Variants in CNNM1 observed in about 807,000 individuals in gnomAD.
The protein encoded by CNNM1 is metal transporter CNNM1.
A neutral mutation model predicts 78.8 loss-of-function variants in CNNM1; 44 were observed. The ratio of observed to expected loss-of-function variants is 0.56; its 90% CI spans 0.44 to 0.72. CNNM1 has a LOEUF of 0.72. Ranked by LOEUF, CNNM1 falls within the 30% of genes least tolerant of loss-of-function variation. The pLI is 0.00. For missense variants in CNNM1, 1,101 were observed against 1,292.2 expected, an observed-to-expected ratio of 0.85 and a Z score of 2.27; for synonymous variants, 584 against 581.5, an observed-to-expected ratio of 1.00 and a Z score of -0.06.
chr10:99,387,582 C>A (rs2032341680), intron 7 of CNNM1, among the ~76,000 whole-genome samples: 2 of 152,264 alleles, frequency 1.3e-5, no homozygotes, highest in Non-Finnish European at 2.9e-5. Flanking sequence ...GAAGGCTTGG[C>A]TCTTCCAGGT....
At chr10:99,348,013 A>G (rs2030778189) in intron 1 of CNNM1, among the ~76,000 whole-genome samples, 2 of 144,590 alleles carry the variant, frequency 1.4e-5, no homozygotes, top group Non-Finnish European at 3.0e-5. Flanking sequence ...ATTTTTTTAT[A>G]TATATGATGT....
At chr10:99,332,104 C>T (rs1010916245) in intron 1 of CNNM1, among the ~76,000 whole-genome samples, 14 of 152,158 alleles carry the variant, frequency 9.2e-5, no homozygotes, top group African/African-American at 3.1e-4. Flanking sequence ...AGATTTGGCC[C>T]AGAACCCTTG....
At chr10:99,368,527 C>A in intron 6 of CNNM1, 1 of 723,188 alleles carries the variant, frequency 1.4e-6, no homozygotes, top group Non-Finnish European at 2.1e-6. Context: ...CAGGAACAGA[C>A]TGTCTCACCC....
In CNNM1 at chr10:99,329,418, G is replaced by T; in HGVS notation, c.31G>T (p.Val11Leu). 1 of 981,608 alleles carries T rather than the reference G, an allele frequency of 1.0e-6. No individual in the cohort carries two copies. Among genetic ancestry groups the T allele is most frequent in the Non-Finnish European group, 1.4e-6 (1 of 691,468 alleles). The allele number at this position is 981,608 out of a possible 1,614,324, so 60.8% of individuals were successfully genotyped here. The change falls in exon 1 of 11, where the codon GTG becomes TTG. Residue 11 changes from valine (V) to leucine (L), a missense_variant. By Grantham distance (32) the Val-to-Leu change is conservative. Coordinates refer to ENST00000356713, the MANE Select transcript of CNNM1 (RefSeq NM_020348.3). MAAAAAAAAA[V>L]GVRLRDCCSR... ...GGCGGCCGCGGCGGCGGCAGCAGCGGTGGGTGTCAGGCTCCGGGACTGCTG... is the reference window on the plus strand; with the variant it reads ...GGCGGCCGCGGCGGCGGCAGCAGCGTTGGGTGTCAGGCTCCGGGACTGCTG...
chr10:99,343,776 A>G (rs1035074312), intron 1 of CNNM1, among the ~76,000 whole-genome samples: 20 of 151,774 alleles, frequency 1.3e-4, no homozygotes, highest in Admixed American at 1.2e-3. Flanking sequence ...GTGCCTTGGC[A>G]TGGTCTCGGC....
At chr10:99,335,898 T>G (rs1259911842) in intron 1 of CNNM1, among the ~76,000 whole-genome samples, 1 of 152,238 alleles carries the variant, frequency 6.6e-6, no homozygotes, top group Non-Finnish European at 1.5e-5. Context: ...AGCAAGAGGC[T>G]CTGGTCCTCT....
chr10:99,370,841 TA>T (rs2031777445), intron 6 of CNNM1, among the ~76,000 whole-genome samples: 2 of 152,298 alleles, frequency 1.3e-5, no homozygotes, highest in Non-Finnish European at 2.9e-5. Context: ...GGGAGGAAAA[TA>T]AATCCTAGAG....
chr10:99,365,237 G>A (rs2031575563), intron 6 of CNNM1: 1 of 613,864 alleles, frequency 1.6e-6, no homozygotes, highest in Non-Finnish European at 3.0e-6. Context: ...CATGGTTGGG[G>A]GGATGCAGGG....
At chr10:99,351,807 C>G (rs1036160864) in intron 1 of CNNM1, among the ~76,000 whole-genome samples, 4 of 152,152 alleles carry the variant, frequency 2.6e-5, no homozygotes, top group African/African-American at 9.7e-5. Context: ...TTACCCAAGT[C>G]CAAACCAGCA....
intron 8 of CNNM1, 26 bp downstream of exon 8, chr10:99,388,029 G>T: frequency 6.3e-7 from 1 of 1,577,686 alleles, no homozygotes; most frequent in Non-Finnish European, 8.6e-7. Flanking sequence ...AGACGGGCAG[G>T]CTGGGCTGGT....
chr10:99,337,734 G>T (rs749465227), intron 1 of CNNM1, among the ~76,000 whole-genome samples: 1 of 152,158 alleles, frequency 6.6e-6, no homozygotes. Flanking sequence ...TGTCTTTGTA[G>T]CTCCAGCAGC....
In CNNM1 at chr10:99,376,942, T is replaced by C. The variant is rs907574055; in HGVS notation, c.2177-113T>C. On this transcript the variant is annotated intron_variant, in intron 6 of 10. Coordinates refer to ENST00000356713, the MANE Select transcript of CNNM1 (RefSeq NM_020348.3). Reference sequence around the variant, plus strand: ...GTGTTACCATCGCCTGAAAGTCTTATGGGACCTCAGTAAACAACACCTGTC... The same window carrying C: ...GTGTTACCATCGCCTGAAAGTCTTACGGGACCTCAGTAAACAACACCTGTC... 1.8e-5 allele frequency: 19 copies of C among 1,029,988 alleles called. No homozygotes were observed. In the Admixed American group the frequency reaches 2.1e-4, roughly 12 times the overall value. 63.8% of individuals were successfully genotyped at this position (1,029,988 alleles called of 1,614,324 possible).
At chr10:99,368,792 G>A in intron 6 of CNNM1, 3 of 652,494 alleles carry the variant, frequency 4.6e-6, no homozygotes, top group Non-Finnish European at 7.3e-6. Flanking sequence ...AGGCACTCCT[G>A]TGACTAAGGC....
At chr10:99,349,406 TA>T (rs951695029) in intron 1 of CNNM1, among the ~76,000 whole-genome samples, 7 of 151,622 alleles carry the variant, frequency 4.6e-5, no homozygotes, top group African/African-American at 1.5e-4. Flanking sequence ...AGGTGAGGAT[TA>T]AAAAAAAGGA....
chr10:99,329,879 G>A lies in CNNM1; in HGVS notation c.492G>A (p.Val164=). 1 of 1,394,598 alleles carries A rather than the reference G, an allele frequency of 7.2e-7. No homozygotes were observed. Among genetic ancestry groups the A allele is most frequent in the South Asian group, 1.6e-5 (1 of 61,106 alleles). 86.4% of individuals were successfully genotyped at this position (1,394,598 alleles called of 1,614,324 possible). The change falls in exon 1 of 11, where the codon GTG becomes GTA. Residue 164 remains valine (V), a synonymous_variant. Transcript: ENST00000356713. ...GCTCGGCCCTGGTCCAGGTGCGAGTGCGGGAGCTGCGCAAGGGCGAAGCGG... is the reference window on the plus strand; with the variant it reads ...GCTCGGCCCTGGTCCAGGTGCGAGTACGGGAGCTGCGCAAGGGCGAAGCGG... ...VAGSALVQVR[V]RELRKGEAER...
chr10:99,374,922 C>T (rs920884246), intron 6 of CNNM1, among the ~76,000 whole-genome samples: 1 of 152,162 alleles, frequency 6.6e-6, no homozygotes, highest in Non-Finnish European at 1.5e-5. Flanking sequence ...AAAGGATGGA[C>T]AGGGAGTCAT....
intron 1 of CNNM1, among the ~76,000 whole-genome samples, chr10:99,338,592 A>G (rs980278715): frequency 6.6e-6 from 1 of 152,136 alleles, no homozygotes. Flanking sequence ...TTTTGCTTTT[A>G]TAAATTTTTT....
chr10:99,372,960 T>A (rs894787589), intron 6 of CNNM1, among the ~76,000 whole-genome samples: 2 of 151,604 alleles, frequency 1.3e-5, no homozygotes, highest in Non-Finnish European at 1.5e-5. Flanking sequence ...TGTTTTTACT[T>A]TAAAAAAAAA....
At chr10:99,333,291 C>G (rs2030006705) in intron 1 of CNNM1, among the ~76,000 whole-genome samples, 1 of 152,156 alleles carries the variant, frequency 6.6e-6, no homozygotes, top group East Asian at 1.9e-4. Flanking sequence ...CATGTGCTGG[C>G]AGAAGATGTT....
Sources: allele counts gnomAD v4.1 joint callset (sites outside exome capture counted in the v4.1 genomes callset), GRCh38; gene constraint gnomAD v4.1.1; transcripts MANE v1.5; gene names NCBI Gene and HGNC (gene_info 2026-07-23, HGNC 2026-07-21).